Variants in SAMD4A observed in about 807,000 individuals in gnomAD.
SAMD4A encodes the protein protein Smaug homolog 1.
A neutral mutation model predicts 81.3 loss-of-function variants in SAMD4A; 33 were observed. The ratio of observed to expected loss-of-function variants is 0.41; its 90% CI spans 0.31 to 0.54. SAMD4A has a LOEUF of 0.54. Among genes scored for constraint, SAMD4A ranks in the 20% least tolerant of loss-of-function variants. SAMD4A has a pLI of 0.37. For missense variants in SAMD4A, 854 were observed against 951.1 expected (o/e 0.90, Z 1.34); for synonymous variants, 389 against 382.1 (o/e 1.02, Z -0.21).
At chr14:54,646,903 T>C (rs2140406694) in intron 2 of SAMD4A, among the ~76,000 whole-genome samples, 1 of 152,346 alleles carries the variant, frequency 6.6e-6, no homozygotes, top group East Asian at 1.9e-4. Context: ...TGGAAACTTA[T>C]TCAACCTGCC....
intron 2 of SAMD4A, among the ~76,000 whole-genome samples, chr14:54,597,909 C>T (rs566307868): frequency 1.3e-5 from 2 of 152,252 alleles, no homozygotes; most frequent in Non-Finnish European, 2.9e-5. Context: ...CTTAAGCACA[C>T]ATTGCTTCTG....
At chr14:54,565,316 A>G (rs1230000306), upstream of SAMD4A, among the ~76,000 whole-genome samples, 3 of 152,356 alleles carry the variant, frequency 2.0e-5, no homozygotes, top group South Asian at 6.2e-4. The surrounding 1 kb of genome is among the most constrained non-coding windows in gnomAD (Gnocchi z 5.4). Context: ...GCTCCAGGCC[A>G]GAAGCCGCAG....
chr14:54,775,249 G>A, intron 10 of SAMD4A, 114 bp downstream of exon 10: 1 of 1,143,368 alleles, frequency 8.7e-7, no homozygotes, highest in Non-Finnish European at 1.3e-6. Context: ...CTATGCTGGG[G>A]GCAGTTGCCA....
At chr14:54,777,605 C>A (rs1441587792) in intron 11 of SAMD4A, among the ~76,000 whole-genome samples, 2 of 152,086 alleles carry the variant, frequency 1.3e-5, no homozygotes, top group African/African-American at 4.8e-5. Flanking sequence ...TGGCCACTCT[C>A]CCTGGGGGGA....
chr14:54,664,011 G>A (rs2035701583), intron 2 of SAMD4A, among the ~76,000 whole-genome samples: 1 of 152,202 alleles, frequency 6.6e-6, no homozygotes, highest in Admixed American at 6.5e-5. Flanking sequence ...AAGGAGAGCT[G>A]TCTCGAAAAT....
chr14:54,736,794 T>C (rs565284307), intron 3 of SAMD4A, among the ~76,000 whole-genome samples: 2 of 152,274 alleles, frequency 1.3e-5, no homozygotes, highest in Admixed American at 6.5e-5. Flanking sequence ...GTGGGCACTA[T>C]AGGTTTGGCC....
intron 2 of SAMD4A, among the ~76,000 whole-genome samples, chr14:54,584,497 AG>A (rs1280893039): frequency 6.6e-6 from 1 of 152,244 alleles, no homozygotes; most frequent in Non-Finnish European, 1.5e-5. Flanking sequence ...TCAAATCCAA[AG>A]CATTAAAGAA....
intron 2 of SAMD4A, among the ~76,000 whole-genome samples, chr14:54,621,347 G>GTTTGT (rs1378218299): frequency 1.3e-5 from 2 of 151,994 alleles, no homozygotes; most frequent in East Asian, 1.9e-4. Flanking sequence ...AACATATTTT[G>GTTTGT]TTTGTTTTGT....
At chr14:54,764,431 T>C in intron 7 of SAMD4A, 24 bp from the exon 8 acceptor site, 1 of 1,524,138 alleles carries the variant, frequency 6.6e-7, no homozygotes, top group East Asian at 2.3e-5. Context: ...ATTTTTCTAA[T>C]TCATCTTTTC....
intron 2 of SAMD4A, among the ~76,000 whole-genome samples, chr14:54,650,832 C>T (rs921651771): frequency 1.3e-5 from 2 of 152,172 alleles, no homozygotes; most frequent in Non-Finnish European, 2.9e-5. Context: ...GCGTGCCCCA[C>T]GTTGTATGCT....
At chr14:54,566,937 C>T (rs1035187961), upstream of SAMD4A, among the ~76,000 whole-genome samples, 1 of 152,160 alleles carries the variant, frequency 6.6e-6, no homozygotes, top group African/African-American at 2.4e-5. Context: ...GCTGCCGCGG[C>T]TGCTCACGGC....
intron 4 of SAMD4A, among the ~76,000 whole-genome samples, chr14:54,739,341 G>A (rs2037788907): frequency 1.3e-5 from 2 of 151,984 alleles, no homozygotes; most frequent in South Asian, 2.1e-4. Flanking sequence ...GAAAAAAATG[G>A]CACAGACAAG....
intron 2 of SAMD4A, among the ~76,000 whole-genome samples, chr14:54,635,103 A>C (rs1306439826): frequency 6.6e-6 from 1 of 152,188 alleles, no homozygotes; most frequent in East Asian, 1.9e-4. Flanking sequence ...TTTATAATTA[A>C]GAGCAGTGCC....
At chr14:54,719,462 G>A (rs2037207350) in intron 3 of SAMD4A, among the ~76,000 whole-genome samples, 1 of 152,166 alleles carries the variant, frequency 6.6e-6, no homozygotes, top group East Asian at 1.9e-4. Context: ...TAGCAATGGA[G>A]GCGGCCTGGT....
intron 3 of SAMD4A, among the ~76,000 whole-genome samples, chr14:54,706,192 GA>G (rs1179186407): frequency 1.5e-5 from 2 of 134,750 alleles, no homozygotes; most frequent in Non-Finnish European, 3.1e-5. Flanking sequence ...TTCAAAAAAA[GA>G]AAAAAAATTA....
At position 54,737,177 on chromosome 14, in the gene SAMD4A, C is replaced by T; in HGVS notation, c.869C>T (p.Pro290Leu). 1 of 1,614,086 alleles carries T rather than the reference C, an allele frequency of 6.2e-7. No homozygotes were observed. Among genetic ancestry groups the T allele is most frequent in the East Asian group, 2.2e-5 (1 of 44,882 alleles). The stretch of plus-strand genomic sequence containing the variant: ...CAGTGCCTCCCATCCGATCATGCCC[C>T]CCTGTCTCCACAAAGCAGTGTAGCC... ...GPQCLPSDHA[P>L]LSPQSSVASS... Residue 290 changes from proline to leucine, a missense_variant, in exon 4 of 13, where the codon CCC becomes CTC. Physicochemically the swap from Pro to Leu is moderately conservative, Grantham distance 98. Coordinates refer to ENST00000554335, the MANE Select transcript of SAMD4A (RefSeq NM_015589.6).
chr14:54,628,003 G>T (rs2034805630), intron 2 of SAMD4A, among the ~76,000 whole-genome samples: 1 of 151,646 alleles, frequency 6.6e-6, no homozygotes, highest in South Asian at 2.1e-4. Context: ...GTTTATTTTA[G>T]CATATCAAGA....
Position 54,789,191 on chromosome 14 carries a change from C to A in SAMD4A, c.*247C>A. The A allele has an allele frequency of 4.2e-6, 2 of 471,978 alleles. No homozygotes were observed. The highest frequency in any genetic ancestry group is 3.3e-5 in the Admixed American group (1 of 29,938). The allele number at this position is 471,978 out of a possible 1,614,324, so 29.2% of individuals were successfully genotyped here. On this transcript the variant is annotated 3_prime_UTR_variant, in exon 13 of 13. Coordinates refer to ENST00000554335, the MANE Select transcript of SAMD4A (RefSeq NM_015589.6). ...TTTGGTGTGTGGGGTGGGGAGGGGT[C>A]TCTAGGGAATTATGAGACTGGGAGG...
chr14:54,582,434 C>G (rs1332380958), intron 2 of SAMD4A, among the ~76,000 whole-genome samples: 2 of 152,028 alleles, frequency 1.3e-5, no homozygotes, highest in Admixed American at 1.3e-4. Flanking sequence ...TGTGCGAGGA[C>G]AAAGAAGATG....
Sources: allele counts gnomAD v4.1 joint callset (sites outside exome capture counted in the v4.1 genomes callset), GRCh38; gene constraint gnomAD v4.1.1; non-coding constraint Gnocchi (gnomAD v3.1); transcripts MANE v1.5; gene names NCBI Gene and HGNC (gene_info 2026-07-23, HGNC 2026-07-21).